FHOD3: variants seen among roughly 807,000 people sequenced by gnomAD.
FHOD3 encodes the protein FH1/FH2 domain-containing protein 3.
FHOD3 carries 90 observed loss-of-function variants against 173.0 expected under a neutral mutation model. That is an observed-to-expected ratio of 0.52 (90% CI 0.44 to 0.62). The LOEUF (loss-of-function observed/expected upper bound fraction) is 0.62, where lower values mean the gene tolerates loss of function less well. Among genes scored for constraint, FHOD3 ranks in the 20% least tolerant of loss-of-function variants. The pLI, the probability that FHOD3 is intolerant of heterozygous loss-of-function variation, is 0.00. For missense variants in FHOD3, 1,945 were observed against 2,034.7 expected (o/e 0.96, Z 0.85); for synonymous variants, 828 against 823.0 (o/e 1.01, Z -0.10).
chr18:36,739,700 A>C (rs949192614), intron 20 of FHOD3, among the ~76,000 whole-genome samples: 1 of 152,194 alleles, frequency 6.6e-6, no homozygotes, highest in African/African-American at 2.4e-5. Context: ...GATTTGTTAG[A>C]GTTATACCTA....
intron 1 of FHOD3, among the ~76,000 whole-genome samples, chr18:36,342,597 C>G (rs2045677566): frequency 6.6e-6 from 1 of 152,122 alleles, no homozygotes; most frequent in Non-Finnish European, 1.5e-5. Context: ...ATGTAGCATT[C>G]TTTATCTAGC....
At position 36,746,971 on chromosome 18, in the gene FHOD3, T is replaced by C. The variant is rs1378587848; in HGVS notation, c.4068T>C (p.Asn1356=). The C allele has an allele frequency of 1.2e-6, 2 of 1,612,224 alleles. No homozygotes were observed. The highest frequency in any genetic ancestry group is 1.7e-6 in the Non-Finnish European group (2 of 1,179,492). ...AKVDFDQLQD[N]LCQMERRCKA... is the part of the protein sequence containing the mutation. ...TTGACTTTGATCAACTTCAGGATAA[T>C]TTATGTCAGATGGAGAGAAGATGCA... Residue 1356 remains asparagine, a synonymous_variant, in exon 24 of 29, where the codon AAT becomes AAC. Coordinates refer to ENST00000590592, the MANE Select transcript of FHOD3 (RefSeq NM_001281740.3).
At chr18:36,616,178 A>C (rs1893436) in intron 9 of FHOD3, among the ~76,000 whole-genome samples, 18,546 of 152,236 alleles carry the variant, frequency 0.12, 1,343 homozygotes, top group East Asian at 0.33. Context: ...ATAAAGGTAG[A>C]AGATGGACTT....
chr18:36,733,393 A>T lies in FHOD3; in HGVS notation c.3576+2589A>T, dbSNP rs189451755. On this transcript the variant is annotated intron_variant, in intron 20 of 28. Transcript: ENST00000590592. Reference sequence around the variant, plus strand: ...AACAAGGTCCTTTAGAGAGCACAAAAGCTTCAGATTCATACGGAGAGAGGC... The same window carrying T: ...AACAAGGTCCTTTAGAGAGCACAAATGCTTCAGATTCATACGGAGAGAGGC... 2.5e-3 allele frequency among the ~76,000 whole-genome samples: 376 copies of T among 152,360 alleles called. 3 individuals carry two copies. The highest frequency in any genetic ancestry group is 2.2e-3 in the Non-Finnish European group (151 of 68,042).
Position 36,718,067 on chromosome 18 carries a change from C to G in FHOD3, c.2769C>G (p.Val923=). 6.3e-7 allele frequency: 1 copy of G among 1,599,076 alleles called. No individual in the cohort carries two copies. ...QANSQTQDES[V]RRVDVGCLDN... ...ACTCTCAGACCCAGGATGAGAGTGTCAGGAGGGTGGATGTCGGCTGTTTGG... is the reference window on the plus strand; with the variant it reads ...ACTCTCAGACCCAGGATGAGAGTGTGAGGAGGGTGGATGTCGGCTGTTTGG... The change falls in exon 19 of 29, where the codon GTC becomes GTG. Residue 923 remains valine, a synonymous_variant. Transcript: ENST00000590592.
At chr18:36,602,483 T>C (rs900627625) in intron 7 of FHOD3, among the ~76,000 whole-genome samples, 191 bp from the exon 8 acceptor site, 4 of 152,080 alleles carry the variant, frequency 2.6e-5, no homozygotes, top group African/African-American at 9.7e-5. Context: ...TGAGATAGGG[T>C]TCCCTACTAA....
rs554399357 is a variant in FHOD3, at chr18:36,494,982, G to A, written c.338-6950G>A. On this transcript the variant is annotated intron_variant, in intron 3 of 28. Coordinates refer to ENST00000590592, the MANE Select transcript of FHOD3 (RefSeq NM_001281740.3). ...ACAGCCCTGTCACCTCCGCTCTGTC[G>A]CCAAGGCTGGAGTACAGTGGCATGA... Among the ~76,000 whole-genome samples the A allele has an allele frequency of 5.9e-5, 9 of 152,188 alleles. No individual in the cohort carries two copies. In the South Asian group the frequency reaches 6.2e-4, roughly 11 times the overall value.
At chr18:36,498,722 G>T (rs534777808) in intron 3 of FHOD3, among the ~76,000 whole-genome samples, 16 of 152,080 alleles carry the variant, frequency 1.1e-4, no homozygotes, top group Non-Finnish European at 1.8e-4. Flanking sequence ...CACAAAATTC[G>T]CATTGTCTCA....
chr18:36,431,601 T>G (rs1262497986), intron 3 of FHOD3, among the ~76,000 whole-genome samples: 1 of 152,230 alleles, frequency 6.6e-6, no homozygotes, highest in Non-Finnish European at 1.5e-5. Context: ...GAGAGCTGAA[T>G]TTAGTGGCCT....
intron 3 of FHOD3, among the ~76,000 whole-genome samples, chr18:36,457,607 C>T (rs1045664753): frequency 1.3e-5 from 2 of 151,404 alleles, no homozygotes; most frequent in African/African-American, 4.9e-5. Flanking sequence ...GAAACTGATT[C>T]CATAAGAGTT....
At chr18:36,676,072 A>T (rs688596) in intron 14 of FHOD3, among the ~76,000 whole-genome samples, 1 of 152,060 alleles carries the variant, frequency 6.6e-6, no homozygotes, top group African/African-American at 2.4e-5. Flanking sequence ...AAAATTTTAG[A>T]TAAATCTAGA....
chr18:36,593,709 G>C (rs1055451567), intron 6 of FHOD3, among the ~76,000 whole-genome samples: 4 of 152,266 alleles, frequency 2.6e-5, no homozygotes, highest in Admixed American at 6.5e-5. Context: ...GTCATGGATT[G>C]ATTGACCTGG....
chr18:36,685,649 C>T (rs560777961), intron 15 of FHOD3, among the ~76,000 whole-genome samples: 21 of 152,226 alleles, frequency 1.4e-4, no homozygotes, highest in South Asian at 2.1e-4. Flanking sequence ...ATTTTTCTCC[C>T]GGTCCTACAC....
rs182030528 is a variant in FHOD3 at position 36,483,759 on chromosome 18, G to A, written c.338-18173G>A. Reference sequence around the variant, plus strand: ...CTTGAATGTCATACATTTCGCCATCGGAGAAGCATTTTGTCATCTCTGATG... The same window carrying A: ...CTTGAATGTCATACATTTCGCCATCAGAGAAGCATTTTGTCATCTCTGATG... On this transcript the variant is annotated intron_variant, in intron 3 of 28. Coordinates refer to ENST00000590592, the MANE Select transcript of FHOD3 (RefSeq NM_001281740.3). 1.8e-3 allele frequency among the ~76,000 whole-genome samples: 276 copies of A among 152,246 alleles called. 2 individuals are homozygous for A. The highest frequency in any genetic ancestry group is 6.5e-3 in the African/African-American group (272 of 41,536).
intron 7 of FHOD3, among the ~76,000 whole-genome samples, chr18:36,599,129 G>A (rs955460539): frequency 1.3e-5 from 2 of 152,110 alleles, no homozygotes; most frequent in Admixed American, 1.3e-4. Context: ...CTTCCCTGTG[G>A]TGGTTGACAG....
chr18:36,544,141 A>G (rs907271251), intron 5 of FHOD3, among the ~76,000 whole-genome samples: 2 of 152,334 alleles, frequency 1.3e-5, no homozygotes, highest in Non-Finnish European at 1.5e-5. Context: ...CGGCAGTATC[A>G]TCATTGAATA....
intron 1 of FHOD3, among the ~76,000 whole-genome samples, chr18:36,323,243 C>CA (rs1568121563): frequency 6.6e-6 from 1 of 152,142 alleles, no homozygotes. Flanking sequence ...GTTGGGAACT[C>CA]AAAGGCCAGC....
intron 6 of FHOD3, among the ~76,000 whole-genome samples, chr18:36,579,841 A>G (rs1167649610): frequency 6.6e-6 from 1 of 152,098 alleles, no homozygotes; most frequent in Non-Finnish European, 1.5e-5. Flanking sequence ...TTATAGCAGC[A>G]AAAATAGACT....
intron 16 of FHOD3, 90 bp downstream of exon 16, chr18:36,687,268 T>A: frequency 2.1e-6 from 2 of 967,954 alleles, no homozygotes; most frequent in Non-Finnish European, 3.2e-6. Context: ...GATTAAAATA[T>A]AACTGCTTCA....
Sources: allele counts gnomAD v4.1 joint callset (sites outside exome capture counted in the v4.1 genomes callset), GRCh38; gene constraint gnomAD v4.1.1; transcripts MANE v1.5; gene names NCBI Gene and HGNC (gene_info 2026-07-23, HGNC 2026-07-21).